The following SVOPL variants were observed in gnomAD, a reference collection of about 807,000 sequenced individuals.
SVOPL encodes the protein SVOP like, also known as putative transporter SVOPL.
SVOPL carries 60 observed loss-of-function variants against 61.0 expected under a neutral mutation model. The observed-to-expected ratio is 0.98, with a 90% CI of 0.80 to 1.22. SVOPL has a LOEUF of 1.22. SVOPL is among the 50% of genes most tolerant of loss of function. The probability of loss-of-function intolerance (pLI) is 0.00; values close to 1 mark genes in which losing one functional copy is unlikely to be tolerated. For synonymous variants in SVOPL, 279 were observed against 250.0 expected, an observed-to-expected ratio of 1.12 and a Z score of -1.09; for missense variants, 662 against 643.9, an observed-to-expected ratio of 1.03 and a Z score of -0.30.
intron 7 of SVOPL, among the ~76,000 whole-genome samples, chr7:138,653,589 G>A (rs1801540872): frequency 6.6e-6 from 1 of 151,732 alleles, no homozygotes; most frequent in Non-Finnish European, 1.5e-5. Flanking sequence ...ATCACTTGAG[G>A]CCAGGAGTTC....
chr7:138,603,255 T>C (rs1038401939), intron 14 of SVOPL, among the ~76,000 whole-genome samples: 5 of 152,198 alleles, frequency 3.3e-5, no homozygotes, highest in Admixed American at 2.0e-4. Context: ...TTAATCCATT[T>C]TGGGGAGGTC....
intron 10 of SVOPL, 72 bp downstream of exon 10, chr7:138,629,977 A>G: frequency 9.5e-6 from 12 of 1,268,966 alleles, no homozygotes; most frequent in Non-Finnish European, 1.3e-5. Flanking sequence ...TGGCACTCAC[A>G]TAGATTTACT....
chr7:138,680,923 T>C (rs569581472), intron 1 of SVOPL, among the ~76,000 whole-genome samples: 38 of 152,170 alleles, frequency 2.5e-4, no homozygotes, highest in African/African-American at 7.9e-4. Flanking sequence ...CTTAATTGTA[T>C]ATTCCTAGTG....
chr7:138,621,264 A>C, intron 13 of SVOPL, 129 bp from the exon 14 acceptor site: 1 of 603,316 alleles, frequency 1.7e-6, no homozygotes, highest in Non-Finnish European at 2.7e-6. Context: ...AGAATATGGA[A>C]TAGAAGGTGT....
At chr7:138,680,985 T>TA (rs1412955561) in intron 1 of SVOPL, among the ~76,000 whole-genome samples, 1 of 151,952 alleles carries the variant, frequency 6.6e-6, no homozygotes. Flanking sequence ...TTAGTAATAA[T>TA]ATTGGTATCA....
intron 8 of SVOPL, among the ~76,000 whole-genome samples, chr7:138,648,048 T>C (rs376200097): frequency 5.3e-5 from 8 of 152,074 alleles, no homozygotes; most frequent in African/African-American, 1.9e-4. Flanking sequence ...TGGTCAATCT[T>C]GTCTTTGAAT....
chr7:138,636,766 C>T lies in SVOPL; in HGVS notation c.790-6644G>A, dbSNP rs10235784. ...GATTACAGATGTGAGCCACCACACC[C>T]GGCGGATTTTATTTTATTTTAATTA... On this transcript the variant is annotated intron_variant, in intron 9 of 15. Transcript: ENST00000674285. Among the ~76,000 whole-genome samples, 1,016 of 152,128 alleles carry T rather than the reference C, an allele frequency of 6.7e-3. 23 individuals carry two copies. The highest frequency in any genetic ancestry group is 0.023 in the African/African-American group (941 of 41,504).
chr7:138,659,942 G>A lies in SVOPL; in HGVS notation c.392C>T (p.Thr131Ile). Reference sequence around the variant, plus strand: ...CCAGATGTACGAAGGAGCAAACGAGGTCAGCAAGGAGAAATAGGCTCCCCA... The same window carrying A: ...CCAGATGTACGAAGGAGCAAACGAGATCAGCAAGGAGAAATAGGCTCCCCA... ...FLWGAYFSLL[T>I]SFAPSYIWFV... The change falls in exon 6 of 16, where the codon ACC becomes ATC. Residue 131 changes from threonine (T) to isoleucine (I), a missense_variant. Coordinates refer to ENST00000674285, the MANE Select transcript of SVOPL (RefSeq NM_001139456.2). 1 of 1,551,526 alleles carries A rather than the reference G, an allele frequency of 6.4e-7. No homozygotes were observed. Among genetic ancestry groups the A allele is most frequent in the Non-Finnish European group, 8.7e-7 (1 of 1,146,966 alleles).
At chr7:138,596,567 T>C in intron 14 of SVOPL, 37 bp from the exon 15 acceptor site, 3 of 1,606,442 alleles carry the variant, frequency 1.9e-6, no homozygotes, top group Non-Finnish European at 2.6e-6. Flanking sequence ...TTTATTATGC[T>C]CCAGTTACCT....
intron 13 of SVOPL, among the ~76,000 whole-genome samples, chr7:138,622,230 CTATG>C (rs1563096677): frequency 0.073 from 8,386 of 114,170 alleles, 725 homozygotes; most frequent in Middle Eastern, 0.094. Context: ...ATGTATCTAT[CTATG>C]TATCTATCTA....
chr7:138,609,620 C>T (rs1798904961), intron 14 of SVOPL, among the ~76,000 whole-genome samples: 1 of 151,670 alleles, frequency 6.6e-6, no homozygotes. Context: ...GATCGCACCA[C>T]TGCCTGTCAG....
At chr7:138,601,286 C>T (rs1798514027) in intron 14 of SVOPL, among the ~76,000 whole-genome samples, 1 of 150,830 alleles carries the variant, frequency 6.6e-6, no homozygotes, top group Non-Finnish European at 1.5e-5. Context: ...AAAATCACCA[C>T]CTTGTAAAGA....
chr7:138,631,967 CACACACACACACACACAT>C (rs1213525469), intron 9 of SVOPL, among the ~76,000 whole-genome samples: 3 of 151,816 alleles, frequency 2.0e-5, no homozygotes, highest in Admixed American at 6.6e-5. Context: ...ATATCACACA[CACACACACACACACACAT>C]ACACACACCC....
chr7:138,657,567 T>G (rs1478908200), intron 6 of SVOPL, among the ~76,000 whole-genome samples: 2 of 152,232 alleles, frequency 1.3e-5, no homozygotes, highest in Non-Finnish European at 2.9e-5. Context: ...CTTCTGAATA[T>G]AAGAATAAAT....
intron 9 of SVOPL, among the ~76,000 whole-genome samples, chr7:138,641,823 T>TATATAAC (rs1554464924): frequency 1.4e-5 from 2 of 139,696 alleles, no homozygotes; most frequent in African/African-American, 2.6e-5. Flanking sequence ...GTTATATATA[T>TATATAAC]ATATATATAT....
intron 9 of SVOPL, among the ~76,000 whole-genome samples, chr7:138,643,969 C>G (rs934735378): frequency 3.3e-5 from 5 of 151,800 alleles, no homozygotes; most frequent in South Asian, 2.1e-4. Context: ...TTTGGGAGGC[C>G]GAGGCAGGTG....
intron 13 of SVOPL, among the ~76,000 whole-genome samples, chr7:138,622,315 G>C (rs545024565): frequency 7.7e-5 from 4 of 52,018 alleles, no homozygotes; most frequent in Admixed American, 2.0e-4. Flanking sequence ...TCTATCTATC[G>C]ACAGAGTCTC....
Position 138,630,050 on chromosome 7 carries a change from A to G in SVOPL, c.862T>C (p.Trp288Arg), listed in dbSNP as rs779994604. 4 of 1,612,860 alleles carry G rather than the reference A, an allele frequency of 2.5e-6. No individual in the cohort carries two copies. The highest frequency in any genetic ancestry group is 1.3e-5 in the African/African-American group (1 of 75,022). Residue 288 changes from tryptophan to arginine, a missense_variant and splice_region_variant, in exon 10 of 16, where the codon TGG (tryptophan) becomes CGG (arginine). Physicochemically the swap from Trp to Arg is moderately radical, Grantham distance 101. Coordinates refer to ENST00000674285, the MANE Select transcript of SVOPL (RefSeq NM_001139456.2). ...LRTTLQIWVIWLGISFAYYGV... is the reference protein window; with the variant it reads ...LRTTLQIWVIRLGISFAYYGV... ...GCTTTGAAATCATTACACTCTTACC[A>G]TATGACCCAGATCTGTAATGTGGTC...
At chr7:138,680,318 T>A (rs960323374) in intron 1 of SVOPL, among the ~76,000 whole-genome samples, 5 of 151,818 alleles carry the variant, frequency 3.3e-5, no homozygotes, top group African/African-American at 1.2e-4. Flanking sequence ...TGGGCTAATT[T>A]TTGTGTTTTT....
Sources: gnomAD v4.1 joint callset for allele counts (sites outside exome capture counted in the v4.1 genomes callset) on GRCh38, gnomAD v4.1.1 for gene constraint, MANE v1.5 for transcripts, NCBI Gene and HGNC (gene_info 2026-07-23, HGNC 2026-07-21) for gene names.